Variants in EYA4 observed in about 807,000 individuals in gnomAD.
EYA4 encodes EYA transcriptional coactivator and phosphatase 4, also known as protein phosphatase EYA4.
EYA4 carries 31 observed loss-of-function variants against 87.9 expected under a neutral mutation model. The ratio of observed to expected loss-of-function variants is 0.35; its 90% CI spans 0.27 to 0.48. EYA4 has a LOEUF of 0.48. Among genes scored for constraint, EYA4 ranks in the 20% least tolerant of loss-of-function variants. EYA4 has a pLI of 0.99. For missense variants in EYA4, 678 were observed against 761.4 expected (o/e 0.89, Z 1.29); for synonymous variants, 263 against 270.6 (o/e 0.97, Z 0.28).
chr6:133,244,288 T>A (rs1445159058), intron 1 of EYA4, among the ~76,000 whole-genome samples: 1 of 152,212 alleles, frequency 6.6e-6, no homozygotes, highest in African/African-American at 2.4e-5. Context: ...AGTTGTTTTC[T>A]TTTTATTAGT....
At chr6:133,398,326 T>C (rs1787976825) in intron 3 of EYA4, among the ~76,000 whole-genome samples, 2 of 152,218 alleles carry the variant, frequency 1.3e-5, no homozygotes, top group South Asian at 4.1e-4. Flanking sequence ...GTCTTTTACT[T>C]TCTAAATATT....
rs1490583595 is a variant in EYA4, at chr6:133,531,328, C to A, written c.*2523C>A. 2 of 781,480 alleles carry A rather than the reference C, an allele frequency of 2.6e-6. No homozygotes were observed. Among genetic ancestry groups the A allele is most frequent in the Non-Finnish European group, 4.2e-6 (2 of 478,374 alleles). The allele number at this position is 781,480 out of a possible 1,614,324, so 48.4% of individuals were successfully genotyped here. ...TTGGCCATGGGACGTTGAGTATGCACAAACTAGAACTCTTCCCTTCCCACC... is the reference window on the plus strand; with the variant it reads ...TTGGCCATGGGACGTTGAGTATGCAAAAACTAGAACTCTTCCCTTCCCACC... On this transcript the variant is annotated 3_prime_UTR_variant, in exon 20 of 20. Coordinates refer to ENST00000355286, the MANE Select transcript of EYA4 (RefSeq NM_004100.5).
chr6:133,327,381 C>T (rs1781581487), intron 2 of EYA4, among the ~76,000 whole-genome samples: 1 of 152,044 alleles, frequency 6.6e-6, no homozygotes, highest in African/African-American at 2.4e-5. Flanking sequence ...ATCTGTCTGC[C>T]TTGACATCCC....
At chr6:133,432,391 G>C (rs1791263336) in intron 3 of EYA4, among the ~76,000 whole-genome samples, 2 of 152,086 alleles carry the variant, frequency 1.3e-5, no homozygotes, top group Admixed American at 6.5e-5. Flanking sequence ...AGCTCCTGCT[G>C]ATTTCAGGGC....
At chr6:133,352,257 A>G (rs1024663527) in intron 2 of EYA4, among the ~76,000 whole-genome samples, 20 of 152,204 alleles carry the variant, frequency 1.3e-4, no homozygotes, top group Non-Finnish European at 2.5e-4. Context: ...ATCACATACA[A>G]TGTGATTTGG....
At chr6:133,324,148 A>G (rs1562289857) in intron 2 of EYA4, among the ~76,000 whole-genome samples, 1 of 152,220 alleles carries the variant, frequency 6.6e-6, no homozygotes, top group African/African-American at 2.4e-5. Context: ...TGCTGTCCAA[A>G]CAGTCATTTT....
intron 2 of EYA4, among the ~76,000 whole-genome samples, chr6:133,365,455 C>T (rs1185504284): frequency 6.6e-6 from 1 of 152,036 alleles, no homozygotes; most frequent in Non-Finnish European, 1.5e-5. Flanking sequence ...CATGGAGAGG[C>T]CAATGCCATC....
At chr6:133,512,654 G>A (rs1799258833) in intron 14 of EYA4, 67 bp from the exon 15 acceptor site, 2 of 1,268,018 alleles carry the variant, frequency 1.6e-6, no homozygotes, top group Non-Finnish European at 2.3e-6. Flanking sequence ...GAGAAGATGG[G>A]AAAACCTTCA....
At chr6:133,523,033 T>C (rs540869641) in intron 17 of EYA4, 23 bp from the exon 18 acceptor site, 11 of 1,592,880 alleles carry the variant, frequency 6.9e-6, no homozygotes, top group African/African-American at 5.4e-5. Context: ...AAAACAAACA[T>C]GTATATTTCC....
chr6:133,446,398 T>C (rs1792850022), intron 3 of EYA4, among the ~76,000 whole-genome samples: 1 of 152,236 alleles, frequency 6.6e-6, no homozygotes, highest in African/African-American at 2.4e-5. Flanking sequence ...TGTTATGTTA[T>C]TACAAACCGG....
At chr6:133,279,987 T>C (rs2128279670) in intron 2 of EYA4, among the ~76,000 whole-genome samples, 1 of 152,318 alleles carries the variant, frequency 6.6e-6, no homozygotes, top group Admixed American at 6.5e-5. Context: ...AAAATTCTAT[T>C]ATTCTGTTGC....
At chr6:133,384,612 C>G (rs527538612) in intron 3 of EYA4, among the ~76,000 whole-genome samples, 1 of 152,148 alleles carries the variant, frequency 6.6e-6, no homozygotes, top group Non-Finnish European at 1.5e-5. Flanking sequence ...TTTGCCCAGA[C>G]GTTTTGATAA....
chr6:133,331,599 T>C (rs1781966307), intron 2 of EYA4, among the ~76,000 whole-genome samples: 1 of 152,220 alleles, frequency 6.6e-6, no homozygotes, highest in Admixed American at 6.5e-5. Flanking sequence ...GTTCCATTTC[T>C]AAGAAAGGAC....
At chr6:133,417,156 A>C (rs1426907506) in intron 3 of EYA4, among the ~76,000 whole-genome samples, 1 of 152,228 alleles carries the variant, frequency 6.6e-6, no homozygotes, top group Admixed American at 6.5e-5. Flanking sequence ...AATCATTTAG[A>C]GCAAATCTAC....
intron 2 of EYA4, among the ~76,000 whole-genome samples, chr6:133,280,761 G>C (rs1232340482): frequency 6.6e-6 from 1 of 152,130 alleles, no homozygotes; most frequent in African/African-American, 2.4e-5. Context: ...GTACAATTCA[G>C]TGATTTCTAG....
intron 5 of EYA4, among the ~76,000 whole-genome samples, chr6:133,455,960 A>G (rs559257227): frequency 6.6e-6 from 1 of 152,268 alleles, no homozygotes; most frequent in Admixed American, 6.5e-5. Context: ...CTGCTGTAGA[A>G]GTCATCTCTT....
At chr6:133,496,913 A>G (rs753066555) in intron 13 of EYA4, among the ~76,000 whole-genome samples, 2 of 152,202 alleles carry the variant, frequency 1.3e-5, no homozygotes, top group Non-Finnish European at 2.9e-5. Flanking sequence ...CCTCAAGTAT[A>G]GTGAGCTGGG....
chr6:133,289,676 T>A (rs947835207), intron 2 of EYA4, among the ~76,000 whole-genome samples: 4 of 152,172 alleles, frequency 2.6e-5, no homozygotes, highest in African/African-American at 9.6e-5. Flanking sequence ...TTCATAAATA[T>A]GATTGGGTCA....
intron 17 of EYA4, among the ~76,000 whole-genome samples, chr6:133,518,075 A>G (rs117995350): frequency 0.016 from 2,410 of 152,300 alleles, 31 homozygotes; most frequent in Non-Finnish European, 0.025. Context: ...ACCAAATGTC[A>G]GGGACGCTGG....
Sources: gnomAD v4.1 joint callset for allele counts (sites outside exome capture counted in the v4.1 genomes callset) on GRCh38, gnomAD v4.1.1 for gene constraint, MANE v1.5 for transcripts, NCBI Gene and HGNC (gene_info 2026-07-23, HGNC 2026-07-21) for gene names.